Variants in KAZN observed in about 807,000 individuals in gnomAD.
KAZN encodes kazrin.
In KAZN, 40 loss-of-function variants were observed where a neutral mutation model predicts 87.4. The observed-to-expected ratio is 0.46, with a 90% CI of 0.36 to 0.60. The LOEUF is 0.60. KAZN is among the 20% of genes least tolerant of loss of function. KAZN has a pLI of 0.00. For synonymous variants in KAZN, 466 were observed against 458.3 expected (o/e 1.02, Z -0.22); for missense variants, 898 against 1,073.9 (o/e 0.84, Z 2.29).
At chr1:14,403,636 A>G (rs1663599407) in intron 2 of KAZN, among the ~76,000 whole-genome samples, 2 of 152,204 alleles carry the variant, frequency 1.3e-5, no homozygotes, top group Admixed American at 1.3e-4. Flanking sequence ...CAGAAAAGAA[A>G]TATGAAATGG....
chr1:15,039,127 T>C (rs1672651291), intron 3 of KAZN, among the ~76,000 whole-genome samples: 1 of 152,164 alleles, frequency 6.6e-6, no homozygotes, highest in Non-Finnish European at 1.5e-5. Flanking sequence ...ATATTACCAG[T>C]AGCAGATGTT....
At chr1:14,178,001 G>C (rs1646121091) in intron 1 of KAZN, among the ~76,000 whole-genome samples, 1 of 152,084 alleles carries the variant, frequency 6.6e-6, no homozygotes, top group African/African-American at 2.4e-5. Flanking sequence ...CGTGTCATAG[G>C]AGGGACTCTG....
rs551144668 is a variant in KAZN, at chr1:14,589,628, C to T, written c.250-9355C>T. Among the ~76,000 whole-genome samples, 3 of 152,300 alleles carry T rather than the reference C, an allele frequency of 2.0e-5. No homozygotes were observed. In the East Asian group the frequency reaches 5.8e-4, roughly 29 times the overall value. On this transcript the variant is annotated intron_variant, in intron 2 of 16. Transcript: ENST00000636203. ...GCTCAAGGGACAAGATCTACGGCCG[C>T]TTCCTACTACCACTGCTTCCAATTC...
intron 1 of KAZN, among the ~76,000 whole-genome samples, chr1:14,146,536 C>CAAAAAAAAAAAAAAAAAAAAAAAAAA (rs55928646): frequency 6.3e-5 from 4 of 63,500 alleles, no homozygotes; most frequent in Non-Finnish European, 1.1e-4. Flanking sequence ...AACTCCATCT[C>CAAAAAAAAAAAAAAAAAAAAAAAAAA]AAAAAAAAAA....
intron 1 of KAZN, among the ~76,000 whole-genome samples, chr1:14,734,853 C>G (rs2100387915): frequency 1.3e-5 from 2 of 152,322 alleles, no homozygotes; most frequent in South Asian, 4.1e-4. Flanking sequence ...CTGCGTGTCC[C>G]AAGCATCTCA....
chr1:15,071,355 G>A (rs1351690528), intron 8 of KAZN, among the ~76,000 whole-genome samples: 1 of 151,962 alleles, frequency 6.6e-6, no homozygotes, highest in Non-Finnish European at 1.5e-5. Context: ...GGGTTCAAGC[G>A]ATTCTCCCAC....
At chr1:14,283,773 T>A (rs780474801) in intron 2 of KAZN, among the ~76,000 whole-genome samples, 19 of 152,158 alleles carry the variant, frequency 1.2e-4, no homozygotes, top group Non-Finnish European at 2.2e-4. Flanking sequence ...ATATCCATCA[T>A]TAACATATAC....
chr1:14,969,940 A>C (rs942295294), intron 2 of KAZN, among the ~76,000 whole-genome samples: 1 of 151,976 alleles, frequency 6.6e-6, no homozygotes, highest in South Asian at 2.1e-4. Flanking sequence ...CAGCCTCCTG[A>C]GTAGCTGGGA....
intron 1 of KAZN, among the ~76,000 whole-genome samples, chr1:14,054,016 T>C (rs1161356003): frequency 1.3e-5 from 2 of 152,204 alleles, no homozygotes; most frequent in African/African-American, 4.8e-5. Flanking sequence ...TTATCCTCAT[T>C]GTCTTCATGT....
rs368098172 is a variant in KAZN, at chr1:14,871,261, A to T, written c.227-89423A>T. Among the ~76,000 whole-genome samples, 27 of 152,280 alleles carry T rather than the reference A, an allele frequency of 1.8e-4. No homozygotes were observed. In the South Asian group the frequency reaches 4.6e-3, roughly 26 times the overall value. On this transcript the variant is annotated intron_variant, in intron 1 of 14. Transcript: ENST00000376030. ...CCTAGGTTTGGGGAATTGCCCAATC[A>T]GCTCTCTTCTAGAATGTTCCACAGC...
chr1:14,680,803 A>G (rs998106056), intron 1 of KAZN, among the ~76,000 whole-genome samples: 3 of 152,160 alleles, frequency 2.0e-5, no homozygotes, highest in African/African-American at 7.2e-5. Flanking sequence ...GGAGTATTAC[A>G]TGGTATGGTG....
Position 14,850,990 on chromosome 1 carries a change from C to G in KAZN, c.227-109694C>G, listed in dbSNP as rs1047029680. ...AGCACGCAGTCTTTCTCCACTCTGT[C>G]CTCCAGGCCCTGCACAGTGCTGGGA... is the stretch of plus-strand genomic sequence containing the variant. On this transcript the variant is annotated intron_variant, in intron 1 of 14. Transcript: ENST00000376030. Among the ~76,000 whole-genome samples, 3 of 152,234 alleles carry G rather than the reference C, an allele frequency of 2.0e-5. No homozygotes were observed. In the East Asian group the frequency reaches 5.8e-4, roughly 29 times the overall value.
intron 2 of KAZN, among the ~76,000 whole-genome samples, chr1:15,025,771 G>A (rs1237063362): frequency 1.3e-5 from 2 of 152,136 alleles, no homozygotes; most frequent in Non-Finnish European, 2.9e-5. Flanking sequence ...CCACTTGTTG[G>A]CTGCGCGAGC....
chr1:14,117,747 TAGTA>T (rs1644659586), intron 1 of KAZN, among the ~76,000 whole-genome samples: 2 of 152,160 alleles, frequency 1.3e-5, no homozygotes, highest in South Asian at 4.1e-4. Flanking sequence ...TATCCTCCCC[TAGTA>T]AGTAAGACTG....
intron 1 of KAZN, among the ~76,000 whole-genome samples, chr1:14,067,638 C>T (rs192237601): frequency 1.3e-5 from 2 of 152,196 alleles, no homozygotes; most frequent in Non-Finnish European, 2.9e-5. Context: ...GTCTGTCCCC[C>T]CCCATACTGC....
intron 2 of KAZN, among the ~76,000 whole-genome samples, chr1:14,377,404 C>T (rs964735298): frequency 5.9e-5 from 9 of 152,210 alleles, no homozygotes; most frequent in African/African-American, 1.7e-4. Flanking sequence ...TGGTCTCATT[C>T]GCCTTTAGCT....
chr1:14,188,197 G>GTGTGT (rs1236299030), intron 2 of KAZN, among the ~76,000 whole-genome samples: 1 of 41,438 alleles, frequency 2.4e-5, no homozygotes, highest in Non-Finnish European at 8.0e-5. Context: ...AGAGGAGCGT[G>GTGTGT]TGTGTGTGTG....
intron 4 of KAZN, 125 bp from the exon 5 acceptor site, chr1:15,055,966 C>T (rs973552125): frequency 1.2e-5 from 11 of 916,844 alleles, no homozygotes; most frequent in Non-Finnish European, 1.8e-5. Flanking sequence ...CGCTCGATGC[C>T]GAGCCAGCAA....
At chr1:14,403,192 A>G (rs1031477189) in intron 2 of KAZN, among the ~76,000 whole-genome samples, 1 of 152,230 alleles carries the variant, frequency 6.6e-6, no homozygotes, top group Admixed American at 6.5e-5. Context: ...ATAAACCATT[A>G]AACACCTTTA....
Sources: gnomAD v4.1 joint callset for allele counts (sites outside exome capture counted in the v4.1 genomes callset) on GRCh38, gnomAD v4.1.1 for gene constraint, MANE v1.5 for transcripts, NCBI Gene and HGNC (gene_info 2026-07-23, HGNC 2026-07-21) for gene names.